The following AFF2 variants were observed in gnomAD, a reference collection of about 807,000 sequenced individuals.
The protein encoded by AFF2 is AF4/FMR2 family member 2.
In AFF2, 14 loss-of-function variants were observed where a neutral mutation model predicts 76.9. The ratio of observed to expected loss-of-function variants is 0.18; its 90% confidence interval spans 0.12 to 0.28. AFF2 has a LOEUF of 0.28. Among genes scored for constraint, AFF2 ranks in the 10% least tolerant of loss-of-function variants. The pLI, the probability that AFF2 is intolerant of heterozygous loss-of-function variation, is 1.00. For synonymous variants in AFF2, 398 were observed against 366.7 expected (o/e 1.09, Z -0.98); for missense variants, 868 against 1,001.1 (o/e 0.87, Z 1.79).
intron 3 of AFF2, among the ~76,000 whole-genome samples, chrX:148,719,614 A>G (rs2055067967): frequency 9.0e-6 from 1 of 111,646 alleles, no homozygotes; most frequent in African/African-American, 3.3e-5. Context: ...TCATCCACCA[A>G]ATAGGGATAA....
intron 1 of AFF2, among the ~76,000 whole-genome samples, chrX:148,610,409 T>C (rs2053717451): frequency 8.9e-6 from 1 of 111,774 alleles, no homozygotes; most frequent in Non-Finnish European, 1.9e-5. Context: ...GATATCTATG[T>C]TTTTGTGCAT....
At position 148,996,021 on chromosome X, in the gene AFF2, G is replaced by A. The variant is rs2072594743; in HGVS notation, c.*4689G>A. The A allele has an allele frequency of 2.7e-5, 3 of 112,648 alleles. No homozygotes were observed. The highest frequency in any genetic ancestry group is 1.9e-5 in the Non-Finnish European group (1 of 53,327). The allele number at this position is 112,648 out of a possible 1,213,427, so 9.3% of individuals were successfully genotyped here. ...CAGGAAGCCAGCTGTCATATTCGGAGGGAATTTCAGATGCTTTACCTTTTT... is the reference window on the plus strand; with the variant it reads ...CAGGAAGCCAGCTGTCATATTCGGAAGGAATTTCAGATGCTTTACCTTTTT... On this transcript the variant is annotated 3_prime_UTR_variant, in exon 21 of 21. Transcript: ENST00000370460.
chrX:148,777,974 T>A, intron 3 of AFF2, among the ~76,000 whole-genome samples: 1 of 112,248 alleles, frequency 8.9e-6, no homozygotes, highest in Non-Finnish European at 1.9e-5. Flanking sequence ...TTCAGTATGA[T>A]ATTGTCTGTG....
At chrX:148,970,963 A>G (rs182027726) in intron 15 of AFF2, among the ~76,000 whole-genome samples, 8 of 111,390 alleles carry the variant, frequency 7.2e-5, no homozygotes, top group Admixed American at 5.7e-4. Flanking sequence ...AATTTCATGA[A>G]TAGAAACTAG....
At chrX:148,576,802 T>TGG (rs2053293168) in intron 1 of AFF2, among the ~76,000 whole-genome samples, 1 of 110,284 alleles carries the variant, frequency 9.1e-6, no homozygotes, top group Admixed American at 9.7e-5. Context: ...TATGTGTGTG[T>TGG]GTGTGTGTGT....
At position 148,986,281 on chromosome X, in the gene AFF2, G is replaced by A. The variant is rs558441451; in HGVS notation, c.3624-1086G>A. Among the ~76,000 whole-genome samples the A allele has an allele frequency of 1.4e-3, 160 of 112,143 alleles. 1 individual carries two copies. Among genetic ancestry groups the A allele is most frequent in the African/African-American group, 5.1e-3 (158 of 30,879 alleles). ...CCTGAAAAATTGATGCGTTTGCCTG[G>A]GCAGATGTTCATAGTGTGACTGGAG... On this transcript the variant is annotated intron_variant, in intron 19 of 20. Transcript: ENST00000370460.
At chrX:148,801,777 G>A (rs1375321774) in intron 3 of AFF2, among the ~76,000 whole-genome samples, 3 of 111,079 alleles carry the variant, frequency 2.7e-5, no homozygotes, top group African/African-American at 9.8e-5. Flanking sequence ...CAAAAACCTT[G>A]ACTCCACATC....
intron 19 of AFF2, among the ~76,000 whole-genome samples, chrX:148,983,965 A>AAAAAAAAAAAC (rs1438744109): frequency 2.0e-5 from 2 of 99,781 alleles, no homozygotes; most frequent in African/African-American, 7.7e-5. Flanking sequence ...AAAAAAAAAA[A>AAAAAAAAAAAC]AAACTGCCCT....
chrX:148,745,493 G>A (rs782157271), intron 3 of AFF2, among the ~76,000 whole-genome samples: 120 of 111,755 alleles, frequency 1.1e-3, no homozygotes, highest in Non-Finnish European at 1.5e-3. Context: ...ATTTAATATA[G>A]GTCAGCAACA....
At chrX:148,787,319 T>A (rs2069834317) in intron 3 of AFF2, among the ~76,000 whole-genome samples, 1 of 111,622 alleles carries the variant, frequency 9.0e-6, no homozygotes, top group Non-Finnish European at 1.9e-5. Flanking sequence ...CGGCTGTGTG[T>A]GTGTGTGTGT....
intron 3 of AFF2, among the ~76,000 whole-genome samples, chrX:148,663,611 G>T (rs191241402): frequency 2.1e-4 from 24 of 112,514 alleles, no homozygotes; most frequent in Admixed American, 1.6e-3. Context: ...CATGTAAGCG[G>T]CTGTCTACTG....
intron 3 of AFF2, among the ~76,000 whole-genome samples, chrX:148,664,217 G>A (rs2054335999): frequency 8.9e-6 from 1 of 111,777 alleles, no homozygotes; most frequent in South Asian, 3.8e-4. Context: ...ATCACTTCCA[G>A]GGAAAAGTCC....
At chrX:148,580,235 G>C (rs2053338939) in intron 1 of AFF2, among the ~76,000 whole-genome samples, 1 of 111,202 alleles carries the variant, frequency 9.0e-6, no homozygotes, top group Non-Finnish European at 1.9e-5. Context: ...TTGCCAGATG[G>C]CTGCTACTGG....
chrX:148,777,616 G>T (rs1349993845), intron 3 of AFF2, among the ~76,000 whole-genome samples: 4 of 111,534 alleles, frequency 3.6e-5, no homozygotes, highest in African/African-American at 6.5e-5. Flanking sequence ...TTGTAGAATT[G>T]TGAATGGGAA....
chrX:148,610,693 C>T (rs1343790526), intron 1 of AFF2, among the ~76,000 whole-genome samples: 1 of 110,745 alleles, frequency 9.0e-6, no homozygotes, highest in Non-Finnish European at 1.9e-5. Context: ...GGTAATGTGC[C>T]TGGAGAGTTG....
intron 3 of AFF2, among the ~76,000 whole-genome samples, chrX:148,748,205 A>C (rs1276047603): frequency 8.9e-6 from 1 of 112,510 alleles, no homozygotes; most frequent in African/African-American, 3.2e-5. Flanking sequence ...ACACTGAATA[A>C]CAATTGACTT....
At position 148,837,677 on chromosome X, in the gene AFF2, A is replaced by T. The variant is rs1697214488; in HGVS notation, c.1117A>T (p.Thr373Ser). 6 of 1,198,473 alleles carry T rather than the reference A, an allele frequency of 5.0e-6. No homozygotes were observed. In the African/African-American group the frequency reaches 1.1e-4, roughly 21 times the overall value. Residue 373 changes from threonine to serine, a missense_variant, in exon 5 of 21, where the codon ACT becomes TCT. Coordinates refer to ENST00000370460, the MANE Select transcript of AFF2 (RefSeq NM_002025.4). ...EMTHSWPTPL[T>S]SMHTAGHSEQ... Reference sequence around the variant, plus strand: ...GACCCATTCCTGGCCTACTCCTCTCACTTCCATGCATACTGCTGGACACTC... The same window carrying T: ...GACCCATTCCTGGCCTACTCCTCTCTCTTCCATGCATACTGCTGGACACTC...
intron 1 of AFF2, among the ~76,000 whole-genome samples, chrX:148,517,515 A>G (rs1373049428): frequency 8.9e-6 from 1 of 111,751 alleles, no homozygotes; most frequent in Non-Finnish European, 1.9e-5. Flanking sequence ...TTTTGTGTCT[A>G]GTACTCATTT....
chrX:148,913,977 C>T (rs1278160426), intron 9 of AFF2, among the ~76,000 whole-genome samples: 1 of 112,356 alleles, frequency 8.9e-6, no homozygotes, highest in Non-Finnish European at 1.9e-5. Context: ...ATGTGCCAGA[C>T]ACAGTTAATA....
Sources: allele counts gnomAD v4.1 joint callset (sites outside exome capture counted in the v4.1 genomes callset), GRCh38; gene constraint gnomAD v4.1.1; transcripts MANE v1.5; gene names NCBI Gene and HGNC (gene_info 2026-07-23, HGNC 2026-07-21).